Variants in ADRA1B observed in about 807,000 individuals in gnomAD.
ADRA1B encodes the protein adrenoceptor alpha 1B.
In ADRA1B, 17 loss-of-function variants were observed where a neutral mutation model predicts 17.9. The ratio of observed to expected loss-of-function variants is 0.95; its 90% CI spans 0.65 to 1.42. The LOEUF (loss-of-function observed/expected upper bound fraction) is 1.42. Ranked by LOEUF, ADRA1B falls within the 40% of genes most tolerant of loss-of-function variation. ADRA1B has a pLI of 0.00. For synonymous variants in ADRA1B, 366 were observed against 327.6 expected (o/e 1.12, Z -1.27); for missense variants, 681 against 722.1 (o/e 0.94, Z 0.65).
chr5:159,885,968 A>C (rs1483059519), intron 1 of ADRA1B, among the ~76,000 whole-genome samples: 1 of 152,194 alleles, frequency 6.6e-6, no homozygotes, highest in Non-Finnish European at 1.5e-5. Flanking sequence ...CAATTCATAG[A>C]TGGTAGAGAC....
chr5:159,870,874 C>CA (rs1201170564), intron 1 of ADRA1B: 1 of 152,218 alleles, frequency 6.6e-6, no homozygotes, highest in Admixed American at 6.5e-5. Context: ...CCAATACAGT[C>CA]ACTGTGTCCT....
intron 1 of ADRA1B, among the ~76,000 whole-genome samples, chr5:159,877,910 AT>A (rs1443029192): frequency 6.6e-6 from 1 of 152,190 alleles, no homozygotes; most frequent in Non-Finnish European, 1.5e-5. Context: ...GCTGGAGTGA[AT>A]GCTCTTGAAA....
chr5:159,901,319 C>T (rs1303495729), intron 1 of ADRA1B, among the ~76,000 whole-genome samples: 1 of 150,138 alleles, frequency 6.7e-6, no homozygotes, highest in Admixed American at 6.7e-5. Context: ...ACCCTTTGCT[C>T]TTCCAGCACA....
At chr5:159,903,945 T>TAC (rs574081972) in intron 1 of ADRA1B, among the ~76,000 whole-genome samples, 2 of 151,978 alleles carry the variant, frequency 1.3e-5, no homozygotes, top group African/African-American at 4.8e-5. Flanking sequence ...ACCTGACCTG[T>TAC]ACACACACAC....
chr5:159,918,089 A>C (rs1028998884), intron 1 of ADRA1B, among the ~76,000 whole-genome samples: 1 of 152,218 alleles, frequency 6.6e-6, no homozygotes, highest in East Asian at 1.9e-4. Flanking sequence ...GAACCAGGGA[A>C]GGAAAATCTG....
At chr5:159,876,877 C>T (rs1581016806) in intron 1 of ADRA1B, among the ~76,000 whole-genome samples, 4 of 152,222 alleles carry the variant, frequency 2.6e-5, no homozygotes, top group Admixed American at 2.6e-4. Flanking sequence ...CTCTACCACT[C>T]CTCCCTTTCA....
chr5:159,945,857 C>G (rs2113245732), intron 1 of ADRA1B, among the ~76,000 whole-genome samples: 1 of 151,930 alleles, frequency 6.6e-6, no homozygotes, highest in South Asian at 2.1e-4. Flanking sequence ...ACGCCATTCT[C>G]CTGCCTCAGC....
rs1388404951 is a variant in ADRA1B at position 159,971,866 on chromosome 5, C to G, written c.950-13C>G. ...TGTCTTTCTGCCCGTGCCCACCCCC[C>G]TCCCCACTGCAGGCTCCTTGTTCTC... On this transcript the variant is annotated splice_polypyrimidine_tract_variant and intron_variant, in intron 1 of 1. Transcript: ENST00000306675. 2 of 460,400 alleles carry G rather than the reference C, an allele frequency of 4.3e-6. No individual in the cohort carries two copies. The highest frequency in any genetic ancestry group is 4.3e-5 in the African/African-American group (2 of 46,836). 28.5% of individuals were successfully genotyped at this position (460,400 alleles called of 1,614,324 possible).
At chr5:159,920,466 G>T (rs2113160606) in intron 1 of ADRA1B, among the ~76,000 whole-genome samples, 1 of 152,268 alleles carries the variant, frequency 6.6e-6, no homozygotes, top group African/African-American at 2.4e-5. Context: ...AAAAGTGAGA[G>T]GTTCTTGCCA....
chr5:159,932,740 T>C (rs1409839852), intron 1 of ADRA1B, among the ~76,000 whole-genome samples: 2 of 152,194 alleles, frequency 1.3e-5, no homozygotes, highest in Admixed American at 1.3e-4. Context: ...ATATTTTTAA[T>C]GGAAATAACT....
the ADRA1B span, among the ~76,000 whole-genome samples, chr5:159,982,072 CTA>C: frequency 6.6e-6 from 1 of 152,182 alleles, no homozygotes; most frequent in East Asian, 1.9e-4. Flanking sequence ...ATCCATCATT[CTA>C]TGAGAAAGTT....
chr5:159,909,660 C>T (rs185132989), intron 1 of ADRA1B, among the ~76,000 whole-genome samples: 7 of 152,292 alleles, frequency 4.6e-5, no homozygotes, highest in East Asian at 3.9e-4. Context: ...CTGTAAACTA[C>T]GGGAGGACAA....
At chr5:159,926,953 G>T (rs984708234) in intron 1 of ADRA1B, among the ~76,000 whole-genome samples, 1 of 152,090 alleles carries the variant, frequency 6.6e-6, no homozygotes, top group African/African-American at 2.4e-5. Flanking sequence ...GGGGTTAAGT[G>T]GCTTGTCTCC....
intron 1 of ADRA1B, among the ~76,000 whole-genome samples, chr5:159,872,638 C>T (rs187097256): frequency 5.5e-4 from 83 of 152,246 alleles, no homozygotes; most frequent in Non-Finnish European, 3.1e-4. Context: ...TCTTGCCTGG[C>T]TCTCACTACC....
rs537694834 is a variant in ADRA1B, at chr5:159,969,937, A to T, written c.950-1942A>T. 9.0e-3 allele frequency among the ~76,000 whole-genome samples: 1,346 copies of T among 150,036 alleles called. 28 individuals are homozygous for T. Among genetic ancestry groups the T allele is most frequent in the African/African-American group, 0.03 (1,217 of 41,072 alleles). On this transcript the variant is annotated intron_variant, in intron 1 of 1. Coordinates refer to ENST00000306675, the MANE Select transcript of ADRA1B (RefSeq NM_000679.4). ...GAGTATTATTAATTGCATTTTTTTA[A>T]AAAAAAAACACATTTTTATTCAAAT...
intron 1 of ADRA1B, among the ~76,000 whole-genome samples, chr5:159,953,756 A>G (rs537246862): frequency 1.3e-5 from 2 of 152,312 alleles, no homozygotes; most frequent in East Asian, 3.9e-4. Context: ...CCTTGCTCAG[A>G]TGCAGGCATC....
intron 1 of ADRA1B, among the ~76,000 whole-genome samples, chr5:159,907,822 G>A (rs1420109204): frequency 2.0e-5 from 3 of 152,162 alleles, no homozygotes; most frequent in Non-Finnish European, 4.4e-5. Flanking sequence ...AGTGGCAGGA[G>A]CTAGAATTTT....
chr5:159,950,753 C>T (rs1755413596), intron 1 of ADRA1B: 3 of 633,730 alleles, frequency 4.7e-6, no homozygotes, highest in Admixed American at 2.3e-5. Context: ...GCAGGTTTTT[C>T]GAGACGGCAG....
Position 159,941,148 on chromosome 5 carries a change from A to C in ADRA1B, c.949+23294A>C, listed in dbSNP as rs543893117. On this transcript the variant is annotated intron_variant, in intron 1 of 1. Transcript: ENST00000306675. ...CTATCAGATACAGTAGCCACTGGAC[A>C]CATGAGTGTAATCATATTTAAATTA... Among the ~76,000 whole-genome samples the C allele has an allele frequency of 3.5e-4, 53 of 152,364 alleles. 1 individual carries two copies. The highest frequency in any genetic ancestry group is 2.5e-3 in the Admixed American group (38 of 15,310).
Sources: gnomAD v4.1 joint callset for allele counts (sites outside exome capture counted in the v4.1 genomes callset) on GRCh38, gnomAD v4.1.1 for gene constraint, MANE v1.5 for transcripts, NCBI Gene and HGNC (gene_info 2026-07-23, HGNC 2026-07-21) for gene names.